The following KIF6 variants were observed in gnomAD, a reference collection of about 807,000 sequenced individuals.
The protein encoded by KIF6 is kinesin family member 6.
KIF6 carries 106 observed loss-of-function variants against 112.7 expected under a neutral mutation model. That is an observed-to-expected ratio of 0.94 (90% CI 0.80 to 1.11). The LOEUF (loss-of-function observed/expected upper bound fraction) is 1.11, where lower values mean the gene tolerates loss of function less well. KIF6 is among the 50% of genes least tolerant of loss of function. The probability of loss-of-function intolerance (pLI) is 0.00; values close to 1 mark genes in which losing one functional copy is unlikely to be tolerated. For synonymous variants in KIF6, 339 were observed against 339.9 expected (o/e 1.00, Z 0.03); for missense variants, 929 against 964.0 (o/e 0.96, Z 0.48).
chr6:39,529,572 G>T (rs1321108418), intron 13 of KIF6, among the ~76,000 whole-genome samples: 1 of 152,152 alleles, frequency 6.6e-6, no homozygotes, highest in East Asian at 1.9e-4. Context: ...AGATCACAAG[G>T]TCAAGAGATT....
chr6:39,568,494 T>C (rs1291187203), intron 10 of KIF6, among the ~76,000 whole-genome samples: 1 of 152,110 alleles, frequency 6.6e-6, no homozygotes, highest in Non-Finnish European at 1.5e-5. Flanking sequence ...AACAGTTTCA[T>C]CCATTACAAG....
At position 39,454,645 on chromosome 6, in the gene KIF6, G is replaced by A. The variant is rs530025161; in HGVS notation, c.1646-23484C>T. Among the ~76,000 whole-genome samples, 34 of 152,202 alleles carry A rather than the reference G, an allele frequency of 2.2e-4. No individual in the cohort carries two copies. The East Asian group carries it at 6.4e-3, about 29-fold the overall frequency. ...CACTAGGGAGTGCCAGACAGTGGGC[G>A]CAGGCCAGTGGGTGCGCACACCGTG... On this transcript the variant is annotated intron_variant, in intron 13 of 22. Coordinates refer to ENST00000287152, the MANE Select transcript of KIF6 (RefSeq NM_145027.6).
In KIF6 at chr6:39,343,872, T is replaced by C. The variant is rs114636874; in HGVS notation, c.2322-57A>G. The C allele has an allele frequency of 3.0e-3, 3,062 of 1,037,502 alleles. 18 individuals carry two copies. Among genetic ancestry groups the C allele is most frequent in the Admixed American group, 5.6e-3 (231 of 41,476 alleles). The allele number at this position is 1,037,502 out of a possible 1,614,324, so 64.3% of individuals were successfully genotyped here. On this transcript the variant is annotated intron_variant, in intron 21 of 22. Transcript: ENST00000287152. The surrounding 1 kb of genome is among the most constrained non-coding windows in gnomAD (Gnocchi z 4.1). Reference sequence around the variant, plus strand: ...ACTTTACAACTGGACTCACCACTTATATTTCCAAAATGCTTTTCCATTTTA... The same window carrying C: ...ACTTTACAACTGGACTCACCACTTACATTTCCAAAATGCTTTTCCATTTTA...
chr6:39,379,770 C>T (rs1051881920), intron 16 of KIF6, among the ~76,000 whole-genome samples: 2 of 152,178 alleles, frequency 1.3e-5, no homozygotes, highest in Non-Finnish European at 2.9e-5. Flanking sequence ...TGGATACAGC[C>T]CTCTGTGGAT....
chr6:39,588,008 C>T (rs760773638), intron 7 of KIF6, among the ~76,000 whole-genome samples: 4 of 152,200 alleles, frequency 2.6e-5, no homozygotes, highest in Non-Finnish European at 4.4e-5. Flanking sequence ...CCTTGGGAAA[C>T]ACTTTGTTCA....
chr6:39,493,216 T>C (rs977989304), intron 13 of KIF6, among the ~76,000 whole-genome samples: 1 of 152,204 alleles, frequency 6.6e-6, no homozygotes, highest in African/African-American at 2.4e-5. Context: ...ATAAACCATG[T>C]ATATTATGGA....
chr6:39,486,863 C>T (rs1315320983), intron 13 of KIF6, among the ~76,000 whole-genome samples: 1 of 152,160 alleles, frequency 6.6e-6, no homozygotes, highest in East Asian at 1.9e-4. Flanking sequence ...TGAATATTCA[C>T]TTTGAAATAT....
At chr6:39,357,663 G>T (rs112803706) in intron 18 of KIF6, among the ~76,000 whole-genome samples, 1 of 152,042 alleles carries the variant, frequency 6.6e-6, no homozygotes. Flanking sequence ...TGGCCAGGCT[G>T]GTCTCGAACT....
At chr6:39,722,807 T>C (rs1236899255) in intron 1 of KIF6, among the ~76,000 whole-genome samples, 2 of 152,222 alleles carry the variant, frequency 1.3e-5, no homozygotes, top group Non-Finnish European at 2.9e-5. Context: ...TCTCTTTGTG[T>C]GTATGTGTGT....
chr6:39,413,846 A>C (rs1769684129), intron 15 of KIF6, among the ~76,000 whole-genome samples: 2 of 152,244 alleles, frequency 1.3e-5, no homozygotes, highest in African/African-American at 4.8e-5. Flanking sequence ...AGTTGGGTAC[A>C]AAAAATTAAT....
At chr6:39,677,404 T>C (rs992091222) in intron 3 of KIF6, among the ~76,000 whole-genome samples, 9 of 152,110 alleles carry the variant, frequency 5.9e-5, no homozygotes, top group Non-Finnish European at 1.2e-4. Context: ...AAAATTCACA[T>C]GGATATAGCA....
chr6:39,647,392 G>T (rs919311840), intron 3 of KIF6, among the ~76,000 whole-genome samples: 1 of 152,102 alleles, frequency 6.6e-6, no homozygotes, highest in Non-Finnish European at 1.5e-5. Flanking sequence ...GCAGGCAGGT[G>T]TATGGACCCC....
At chr6:39,657,303 A>G (rs146115116) in intron 3 of KIF6, among the ~76,000 whole-genome samples, 12 of 152,322 alleles carry the variant, frequency 7.9e-5, no homozygotes, top group Admixed American at 3.9e-4. Context: ...ATTTCTCTTA[A>G]GCCTAGGTCA....
At chr6:39,689,268 G>A (rs1264435128) in intron 3 of KIF6, among the ~76,000 whole-genome samples, 1 of 152,176 alleles carries the variant, frequency 6.6e-6, no homozygotes, top group Non-Finnish European at 1.5e-5. Context: ...ACTTTGGGAG[G>A]TGAGATTGCT....
intron 13 of KIF6, among the ~76,000 whole-genome samples, chr6:39,496,317 C>T (rs541730680): frequency 2.0e-5 from 3 of 152,308 alleles, no homozygotes; most frequent in South Asian, 4.1e-4. Context: ...GACTGAGTTT[C>T]GAATGGCTCA....
intron 15 of KIF6, among the ~76,000 whole-genome samples, chr6:39,417,377 G>A (rs1037951526): frequency 2.6e-5 from 4 of 152,346 alleles, no homozygotes; most frequent in African/African-American, 9.6e-5. Context: ...GTGAAGACTG[G>A]CATTGGCTTT....
intron 16 of KIF6, among the ~76,000 whole-genome samples, chr6:39,380,576 C>A (rs1766849238): frequency 6.6e-6 from 1 of 152,144 alleles, no homozygotes; most frequent in African/African-American, 2.4e-5. Context: ...CACGCACACA[C>A]CCGGCCATGA....
chr6:39,554,090 A>T (rs1179003939), intron 10 of KIF6: 1 of 157,182 alleles, frequency 6.4e-6, no homozygotes, highest in Non-Finnish European at 1.4e-5. Context: ...ATAGGGCTGG[A>T]GATTGCAGAC....
At position 39,639,718 on chromosome 6, in the gene KIF6, C is replaced by A; in HGVS notation, c.291G>T (p.Gly97=). 1 of 1,612,222 alleles carries A rather than the reference C, an allele frequency of 6.2e-7. No individual in the cohort carries two copies. Among genetic ancestry groups the A allele is most frequent in the Non-Finnish European group, 8.5e-7 (1 of 1,178,974 alleles). ...AGYNGTIFAY[G]QTGSGKTFTI... is the part of the protein sequence containing the mutation. The stretch of plus-strand genomic sequence containing the variant: ...TGAATGTCTTCCCGCTGCCTGTTTG[C>A]CCATATGCAAAGATGGTACCATTGT... Residue 97 remains glycine, a synonymous_variant, in exon 4 of 23, where the codon GGG becomes GGT. Coordinates refer to ENST00000287152, the MANE Select transcript of KIF6 (RefSeq NM_145027.6).
Sources: gnomAD v4.1 joint callset for allele counts (sites outside exome capture counted in the v4.1 genomes callset) on GRCh38, gnomAD v4.1.1 for gene constraint, Gnocchi (gnomAD v3.1) non-coding constraint, MANE v1.5 for transcripts, NCBI Gene and HGNC (gene_info 2026-07-23, HGNC 2026-07-21) for gene names.